SH2D4B: variants seen among roughly 807,000 people sequenced by gnomAD.
The protein encoded by SH2D4B is SH2 domain-containing protein 4B.
SH2D4B carries 45 observed loss-of-function variants against 61.5 expected under a neutral mutation model. The ratio of observed to expected loss-of-function variants is 0.73; its 90% CI spans 0.58 to 0.94. SH2D4B has a LOEUF of 0.94. SH2D4B is among the 40% of genes least tolerant of loss of function. The pLI is 0.00. For missense variants in SH2D4B, 572 were observed against 574.2 expected (o/e 1.00, Z 0.04); for synonymous variants, 224 against 220.4 (o/e 1.02, Z -0.14).
At chr10:80,552,477 C>T (rs965656013) in intron 1 of SH2D4B, among the ~76,000 whole-genome samples, 6 of 152,176 alleles carry the variant, frequency 3.9e-5, no homozygotes, top group African/African-American at 9.7e-5. Flanking sequence ...AGGATGCTAA[C>T]GCTGTCCCCT....
chr10:80,610,067 C>T (rs933128002), intron 6 of SH2D4B, among the ~76,000 whole-genome samples: 6 of 152,152 alleles, frequency 3.9e-5, no homozygotes, highest in African/African-American at 1.4e-4. Context: ...TGGCCTTTTT[C>T]CTGTCCCTCA....
intron 6 of SH2D4B, among the ~76,000 whole-genome samples, chr10:80,618,418 G>T (rs1253826262): frequency 1.3e-5 from 2 of 152,064 alleles, no homozygotes; most frequent in Non-Finnish European, 2.9e-5. Flanking sequence ...ATATATCTGG[G>T]ACCAAGAAAC....
intron 3 of SH2D4B, among the ~76,000 whole-genome samples, chr10:80,577,842 G>A (rs557582603): frequency 8.5e-5 from 13 of 152,278 alleles, no homozygotes; most frequent in Admixed American, 5.2e-4. Context: ...GATTACAGGC[G>A]TGAGCCACCA....
intron 6 of SH2D4B, among the ~76,000 whole-genome samples, chr10:80,614,092 A>T (rs2132147864): frequency 6.6e-6 from 1 of 152,294 alleles, no homozygotes. Flanking sequence ...GTCTTGAGAA[A>T]GGGGGATTGC....
intron 3 of SH2D4B, among the ~76,000 whole-genome samples, chr10:80,585,595 G>A (rs1469522078): frequency 4.6e-5 from 7 of 152,178 alleles, no homozygotes; most frequent in Non-Finnish European, 8.8e-5. Context: ...GATTACAGGC[G>A]TGAACCACCG....
intron 4 of SH2D4B, among the ~76,000 whole-genome samples, chr10:80,598,683 A>G (rs1842412641): frequency 6.6e-6 from 1 of 152,142 alleles, no homozygotes; most frequent in South Asian, 2.1e-4. Context: ...CTTGAATACC[A>G]TTAGTTATTC....
chr10:80,568,633 C>T (rs1447530624), intron 1 of SH2D4B, among the ~76,000 whole-genome samples: 1 of 152,194 alleles, frequency 6.6e-6, no homozygotes, highest in Non-Finnish European at 1.5e-5. Flanking sequence ...AGAAGTTTTC[C>T]TGTGCTCTGT....
At chr10:80,571,380 T>A (rs79911625) in intron 2 of SH2D4B, 51 bp from the exon 3 acceptor site, 5 of 1,568,844 alleles carry the variant, frequency 3.2e-6, no homozygotes, top group African/African-American at 2.7e-5. Context: ...TATTGTTAGG[T>A]GGTCCTTCAG....
At chr10:80,544,177 C>G (rs556936896) in intron 1 of SH2D4B, among the ~76,000 whole-genome samples, 65 of 152,264 alleles carry the variant, frequency 4.3e-4, no homozygotes, top group African/African-American at 1.6e-3. Flanking sequence ...AGGTCTGCAG[C>G]TTCACTCCTG....
At position 80,540,797 on chromosome 10, in the gene SH2D4B, T is replaced by G; in HGVS notation, c.184+2282T>G. 1.9e-6 allele frequency: 3 copies of G among 1,545,596 alleles called. No individual in the cohort carries two copies. The South Asian group carries it at 3.6e-5, about 18-fold the overall frequency. On this transcript the variant is annotated intron_variant, in intron 1 of 7. Transcript: ENST00000646907. ...TCATAGGGAACACAGCCAACTCGAG[T>G]GCCAAGGGTGAGGCTTGGTTCAAAG...
At chr10:80,616,973 C>G (rs1842668325) in intron 6 of SH2D4B, among the ~76,000 whole-genome samples, 2 of 152,236 alleles carry the variant, frequency 1.3e-5, no homozygotes, top group Non-Finnish European at 2.9e-5. Flanking sequence ...TTGCTGCTAG[C>G]ATTAGCCCCA....
intron 4 of SH2D4B, among the ~76,000 whole-genome samples, chr10:80,597,735 G>A (rs1213566692): frequency 6.6e-6 from 1 of 152,108 alleles, no homozygotes; most frequent in Non-Finnish European, 1.5e-5. Flanking sequence ...TCAGAAGGGA[G>A]AGCATTTGGA....
chr10:80,557,159 TC>T (rs1841848684), intron 1 of SH2D4B, among the ~76,000 whole-genome samples: 1 of 152,156 alleles, frequency 6.6e-6, no homozygotes, highest in African/African-American at 2.4e-5. Context: ...CATAATTTGT[TC>T]TTTTTTAGTC....
At chr10:80,629,225 G>A (rs188125563) in intron 6 of SH2D4B, among the ~76,000 whole-genome samples, 1 of 152,140 alleles carries the variant, frequency 6.6e-6, no homozygotes, top group East Asian at 1.9e-4. Flanking sequence ...CATATCACAT[G>A]GCGAGAGGGG....
chr10:80,573,522 T>C (rs1335962985), intron 3 of SH2D4B, among the ~76,000 whole-genome samples: 1 of 152,206 alleles, frequency 6.6e-6, no homozygotes, highest in Non-Finnish European at 1.5e-5. Flanking sequence ...GGTGATGTAA[T>C]AGAGGGCTCT....
At chr10:80,545,864 A>G (rs551706417) in intron 1 of SH2D4B, among the ~76,000 whole-genome samples, 1 of 152,312 alleles carries the variant, frequency 6.6e-6, no homozygotes, top group African/African-American at 2.4e-5. Context: ...CACTAAAAGT[A>G]TAGAAATCAG....
intron 4 of SH2D4B, among the ~76,000 whole-genome samples, chr10:80,603,347 GGGTGCT>G (rs1447406975): frequency 1.3e-5 from 2 of 152,144 alleles, no homozygotes; most frequent in Non-Finnish European, 2.9e-5. Flanking sequence ...CTTGCCCTAG[GGGTGCT>G]GCTAGGGCTG....
At chr10:80,568,399 G>GA (rs1841997936) in intron 1 of SH2D4B, among the ~76,000 whole-genome samples, 1 of 152,188 alleles carries the variant, frequency 6.6e-6, no homozygotes, top group Non-Finnish European at 1.5e-5. Flanking sequence ...CGGCAAGGAG[G>GA]TGGGTGTCTC....
intron 4 of SH2D4B, among the ~76,000 whole-genome samples, chr10:80,589,471 C>G (rs778788490): frequency 6.6e-6 from 1 of 152,066 alleles, no homozygotes; most frequent in Non-Finnish European, 1.5e-5. Context: ...CCCAGGAGGT[C>G]GAGGCTGCAG....
Sources: allele counts gnomAD v4.1 joint callset (sites outside exome capture counted in the v4.1 genomes callset), GRCh38; gene constraint gnomAD v4.1.1; transcripts MANE v1.5; gene names NCBI Gene and HGNC (gene_info 2026-07-23, HGNC 2026-07-21).